NBEA: variants seen among roughly 807,000 people sequenced by gnomAD.
NBEA encodes the protein neurobeachin.
In NBEA, 44 loss-of-function variants were observed where a neutral mutation model predicts 343.4. That is an observed-to-expected ratio of 0.13 (90% CI 0.10 to 0.16). The LOEUF (loss-of-function observed/expected upper bound fraction) is 0.16, where lower values mean the gene tolerates loss of function less well. Ranked by LOEUF, NBEA falls within the 10% of genes least tolerant of loss-of-function variation. The pLI is 1.00. For synonymous variants in NBEA, 1,175 were observed against 1,238.7 expected (o/e 0.95, Z 1.08); for missense variants, 2,555 against 3,631.3 (o/e 0.70, Z 7.62).
chr13:35,245,205 CTT>C (rs1473661750), intron 34 of NBEA, among the ~76,000 whole-genome samples: 7 of 152,040 alleles, frequency 4.6e-5, no homozygotes, highest in African/African-American at 1.7e-4. Context: ...TCAGGTGAGT[CTT>C]TTAAAGGCAG....
At chr13:35,663,860 G>T (rs556274244) in intron 55 of NBEA, among the ~76,000 whole-genome samples, 2 of 152,186 alleles carry the variant, frequency 1.3e-5, no homozygotes, top group Admixed American at 6.5e-5. Flanking sequence ...ATGAGCTGCT[G>T]TCCCCCTTCT....
chr13:35,054,290 T>G (rs1433908765), intron 6 of NBEA, among the ~76,000 whole-genome samples: 1 of 152,146 alleles, frequency 6.6e-6, no homozygotes, highest in East Asian at 1.9e-4. Flanking sequence ...ACTTTAATTC[T>G]TATACTTGTA....
At chr13:35,523,722 C>T (rs193081665) in intron 41 of NBEA, among the ~76,000 whole-genome samples, 35 of 152,206 alleles carry the variant, frequency 2.3e-4, no homozygotes, top group Non-Finnish European at 3.4e-4. Context: ...TTATTATAGC[C>T]CTGCTTTTTA....
At chr13:35,404,178 T>C (rs2043141590) in intron 38 of NBEA, among the ~76,000 whole-genome samples, 1 of 152,120 alleles carries the variant, frequency 6.6e-6, no homozygotes, top group African/African-American at 2.4e-5. Context: ...GTTCAACCAT[T>C]GTGGAAGTCA....
In NBEA at chr13:35,473,970, T is replaced by C. The variant is rs541093598; in HGVS notation, c.6585+1434T>C. ...TACAAGAAGAGCAAGCTTTCAAAGG[T>C]AGATTTAAATTGTTTCTGTTGTAGA... is the stretch of plus-strand genomic sequence containing the variant. On this transcript the variant is annotated intron_variant, in intron 41 of 58. Transcript: ENST00000379939. 5.3e-5 allele frequency among the ~76,000 whole-genome samples: 8 copies of C among 152,300 alleles called. No individual in the cohort carries two copies. The South Asian group carries it at 1.4e-3, about 28-fold the overall frequency.
intron 39 of NBEA, among the ~76,000 whole-genome samples, chr13:35,445,700 C>T (rs2152940334): frequency 6.7e-6 from 1 of 148,278 alleles, no homozygotes; most frequent in Admixed American, 6.8e-5. Flanking sequence ...AAATTAAAGT[C>T]CAGTAGAGAA....
chr13:35,396,060 G>C (rs1329383951), intron 38 of NBEA, among the ~76,000 whole-genome samples: 1 of 151,994 alleles, frequency 6.6e-6, no homozygotes, highest in African/African-American at 2.4e-5. Context: ...ACATATAGTT[G>C]AGTATTGCTT....
chr13:35,582,902 ACTT>A (rs1367416278), intron 45 of NBEA, among the ~76,000 whole-genome samples: 1 of 152,166 alleles, frequency 6.6e-6, no homozygotes, highest in Non-Finnish European at 1.5e-5. Flanking sequence ...ATTTTCTACT[ACTT>A]CTCTTGTTAA....
chr13:35,446,585 C>T (rs1255278933), intron 39 of NBEA, among the ~76,000 whole-genome samples: 5 of 152,090 alleles, frequency 3.3e-5, no homozygotes, highest in African/African-American at 4.8e-5. Flanking sequence ...TTACATAGGT[C>T]GGACTTAAAG....
At chr13:35,077,806 G>T (rs2152593401) in intron 10 of NBEA, among the ~76,000 whole-genome samples, 1 of 152,176 alleles carries the variant, frequency 6.6e-6, no homozygotes, top group South Asian at 2.1e-4. Context: ...ATCTTCTCTA[G>T]TCACATTTCT....
intron 4 of NBEA, among the ~76,000 whole-genome samples, 162 bp downstream of exon 4, chr13:35,045,563 C>T (rs532984347): frequency 7.8e-4 from 118 of 152,230 alleles, no homozygotes; most frequent in African/African-American, 2.8e-3. Flanking sequence ...ACAATTTCAT[C>T]ACTCCCCAAA....
rs1297774003 is a variant in NBEA at position 35,159,717 on chromosome 13, T to C, written c.3546T>C (p.Asp1182=). 8 of 1,613,156 alleles carry C rather than the reference T, an allele frequency of 5.0e-6. No homozygotes were observed. The highest frequency in any genetic ancestry group is 6.8e-6 in the Non-Finnish European group (8 of 1,179,644). ...CACAAGTACATCTTGGTGTTAGTGATGATCTTGGATTGCTTGCTCACATGA... is the reference window on the plus strand; with the variant it reads ...CACAAGTACATCTTGGTGTTAGTGACGATCTTGGATTGCTTGCTCACATGA... ...QDTQVHLGVS[D]DLGLLAHMTG... is the part of the protein sequence containing the mutation. The change falls in exon 22 of 59, where the codon GAT becomes GAC. Residue 1182 remains aspartate (D), a synonymous_variant. Transcript: ENST00000379939.
intron 13 of NBEA, 122 bp from the exon 14 acceptor site, chr13:35,117,292 T>G: frequency 2.8e-6 from 1 of 357,380 alleles, no homozygotes; most frequent in Non-Finnish European, 4.7e-6. Flanking sequence ...AGCATTAATA[T>G]AAATATTGTA....
rs144374157 is a variant in NBEA at position 34,968,086 on chromosome 13, A to G, written c.294+24972A>G. Reference sequence around the variant, plus strand: ...AGTTCAGGAAAGTGCTACACTTACAATTACAGTTTTATTATAAAGGAAACA... The same window carrying G: ...AGTTCAGGAAAGTGCTACACTTACAGTTACAGTTTTATTATAAAGGAAACA... On this transcript the variant is annotated intron_variant, in intron 1 of 58. Transcript: ENST00000379939. Among the ~76,000 whole-genome samples, 45 of 152,236 alleles carry G rather than the reference A, an allele frequency of 3.0e-4. No homozygotes were observed. The East Asian group carries it at 5.8e-3, about 20-fold the overall frequency.
chr13:35,637,372 T>C (rs1361439273), intron 49 of NBEA, among the ~76,000 whole-genome samples: 1 of 152,164 alleles, frequency 6.6e-6, no homozygotes, highest in African/African-American at 2.4e-5. Context: ...CTGGCGTAGC[T>C]GCTAGGAAAA....
intron 1 of NBEA, among the ~76,000 whole-genome samples, chr13:35,020,324 T>C (rs2061794126): frequency 6.6e-6 from 1 of 152,214 alleles, no homozygotes; most frequent in Non-Finnish European, 1.5e-5. Context: ...TATTTATTTT[T>C]AATTCTACCG....
rs2042919501 is a variant in NBEA at position 35,399,959 on chromosome 13, A to T, written c.6180-32310A>T. 2.0e-5 allele frequency among the ~76,000 whole-genome samples: 3 copies of T among 152,014 alleles called. No individual in the cohort carries two copies. In the South Asian group the frequency reaches 6.2e-4, roughly 31 times the overall value. ...AGTTGGTGTAGCAGTCAGAAAGCACAATATTTATTGTTTAAATTTACCAAC... is the reference window on the plus strand; with the variant it reads ...AGTTGGTGTAGCAGTCAGAAAGCACTATATTTATTGTTTAAATTTACCAAC... On this transcript the variant is annotated intron_variant, in intron 38 of 58. Coordinates refer to ENST00000379939, the MANE Select transcript of NBEA (RefSeq NM_001385012.1).
intron 18 of NBEA, among the ~76,000 whole-genome samples, chr13:35,146,695 A>C (rs928169224): frequency 2.0e-5 from 3 of 152,052 alleles, no homozygotes; most frequent in Admixed American, 2.0e-4. Context: ...TGCTTGGTCC[A>C]TGGGTGAAGC....
At chr13:35,214,921 G>A (rs1173361279) in intron 33 of NBEA, among the ~76,000 whole-genome samples, 1 of 151,594 alleles carries the variant, frequency 6.6e-6, no homozygotes, top group Non-Finnish European at 1.5e-5. Context: ...GTATATTAAT[G>A]TTTTAGTACC....
Sources: gnomAD v4.1 joint callset for allele counts (sites outside exome capture counted in the v4.1 genomes callset) on GRCh38, gnomAD v4.1.1 for gene constraint, MANE v1.5 for transcripts, NCBI Gene and HGNC (gene_info 2026-07-23, HGNC 2026-07-21) for gene names.